STK4: variants seen among roughly 807,000 people sequenced by gnomAD.
The protein encoded by STK4 is serine/threonine kinase 4.
Under a neutral mutation model 64.9 loss-of-function variants are expected in STK4, and 30 were observed. The observed-to-expected ratio is 0.46, with a 90% CI of 0.35 to 0.63. The LOEUF (loss-of-function observed/expected upper bound fraction) is 0.63. STK4 is among the 20% of genes least tolerant of loss of function. The probability of loss-of-function intolerance (pLI) is 0.01; values close to 1 mark genes in which losing one functional copy is unlikely to be tolerated. For missense variants in STK4, 466 were observed against 598.5 expected, an observed-to-expected ratio of 0.78 and a Z score of 2.31; for synonymous variants, 177 against 199.0, an observed-to-expected ratio of 0.89 and a Z score of 0.93.
intron 9 of STK4, chr20:45,007,696 T>A: frequency 2.9e-6 from 1 of 339,636 alleles, no homozygotes; most frequent in Non-Finnish European, 5.8e-6. Context: ...ATTCTGGTGC[T>A]GTCTTTCACT....
Position 45,077,044 on chromosome 20 carries a change from A to G in STK4, c.*1868A>G, listed in dbSNP as rs1166181041. On this transcript the variant is annotated 3_prime_UTR_variant, in exon 11 of 11. Transcript: ENST00000372806. ...GAGCTGGGTAGGCTCTAAACTTCAC[A>G]ATAACCCTGTGACTTAACTACTTTA... 1.3e-5 allele frequency: 2 copies of G among 152,216 alleles called. No homozygotes were observed. Among genetic ancestry groups the G allele is most frequent in the African/African-American group, 4.8e-5 (2 of 41,452 alleles). 9.4% of individuals were successfully genotyped at this position (152,216 alleles called of 1,614,324 possible).
intron 10 of STK4, among the ~76,000 whole-genome samples, chr20:45,063,636 C>T (rs560598555): frequency 6.6e-6 from 1 of 152,198 alleles, no homozygotes; most frequent in East Asian, 1.9e-4. Flanking sequence ...GTTGCAGTTG[C>T]TTTTGGTGTC....
In STK4 at chr20:44,981,931, A is replaced by G; in HGVS notation, c.348A>G (p.Leu116=). 2 of 1,611,156 alleles carry G rather than the reference A, an allele frequency of 1.2e-6. No homozygotes were observed. Among genetic ancestry groups the G allele is most frequent in the East Asian group, 4.5e-5 (2 of 44,840 alleles). Residue 116 remains leucine, a synonymous_variant, in exon 4 of 11, where the codon TTA becomes TTG. Coordinates refer to ENST00000372806, the MANE Select transcript of STK4 (RefSeq NM_006282.5). Reference sequence around the variant, plus strand: ...GTTCTGTATCTGATATCATTCGATTACGAAATAAAACGGTAGGTTTACCTT... The same window carrying G: ...GTTCTGTATCTGATATCATTCGATTGCGAAATAAAACGGTAGGTTTACCTT... ...GAGSVSDIIR[L]RNKTLTEDEI...
chr20:45,002,419 A>G (rs960933822), intron 9 of STK4, among the ~76,000 whole-genome samples: 2 of 152,216 alleles, frequency 1.3e-5, no homozygotes, highest in Non-Finnish European at 2.9e-5. Flanking sequence ...AATGAGAAAC[A>G]TGCATCTTTT....
chr20:44,999,873 C>T (rs576022530), intron 7 of STK4, among the ~76,000 whole-genome samples: 2 of 152,330 alleles, frequency 1.3e-5, no homozygotes, highest in Admixed American at 1.3e-4. Context: ...AAGCTCCCCT[C>T]TCTAAAATCA....
intron 10 of STK4, among the ~76,000 whole-genome samples, chr20:45,065,032 A>G (rs1036652749): frequency 6.6e-6 from 1 of 152,122 alleles, no homozygotes; most frequent in Non-Finnish European, 1.5e-5. Context: ...TCTGGTTTTC[A>G]GAGGGAATGC....
intron 5 of STK4, among the ~76,000 whole-genome samples, chr20:44,988,202 C>T (rs967400700): frequency 6.6e-5 from 10 of 151,610 alleles, no homozygotes; most frequent in Non-Finnish European, 1.3e-4. Flanking sequence ...AAAAATACAC[C>T]CTCTGATGGT....
chr20:44,996,962 A>G (rs1313240745), intron 6 of STK4, among the ~76,000 whole-genome samples: 3 of 152,290 alleles, frequency 2.0e-5, no homozygotes, highest in South Asian at 2.1e-4. Flanking sequence ...CAAGACCCAT[A>G]TATGAGAGAG....
intron 9 of STK4, among the ~76,000 whole-genome samples, chr20:45,017,101 C>A (rs1392447273): frequency 6.6e-6 from 1 of 152,102 alleles, no homozygotes; most frequent in African/African-American, 2.4e-5. Context: ...TATTTAATAC[C>A]AACCAAGAAG....
chr20:44,969,694 C>T (rs1337391238), intron 1 of STK4, among the ~76,000 whole-genome samples: 8 of 152,240 alleles, frequency 5.3e-5, no homozygotes, highest in Non-Finnish European at 7.3e-5. Flanking sequence ...CATGGATGCT[C>T]TGTTGATCAG....
intron 10 of STK4, among the ~76,000 whole-genome samples, chr20:45,064,121 CA>C (rs1420935800): frequency 6.6e-6 from 1 of 152,144 alleles, no homozygotes; most frequent in Non-Finnish European, 1.5e-5. Context: ...GGGGGGGGTC[CA>C]GTTTTAATCT....
chr20:45,064,099 C>G (rs540877699), intron 10 of STK4, among the ~76,000 whole-genome samples: 1 of 149,006 alleles, frequency 6.7e-6, no homozygotes, highest in Non-Finnish European at 1.5e-5. Flanking sequence ...TGAGCCACTG[C>G]GCCCGGCCAA....
Position 45,062,964 on chromosome 20 carries a change from A to G in STK4, c.1306-12054A>G, listed in dbSNP as rs1472532281. On this transcript the variant is annotated intron_variant, in intron 10 of 10. Transcript: ENST00000372806. ...CTCGGCCTCCCAAAGTGCTGGGATT[A>G]CAGGTGTGAGCCACCGCACCCGGCC... is the stretch of plus-strand genomic sequence containing the variant. 3.4e-5 allele frequency among the ~76,000 whole-genome samples: 4 copies of G among 118,592 alleles called. No homozygotes were observed. In the East Asian group the frequency reaches 1.0e-3, roughly 30 times the overall value. 77.8% of individuals were successfully genotyped at this position (118,592 alleles called of 152,430 possible).
rs1980444351 is a variant in STK4, at chr20:45,075,507, T to C, written c.*331T>C. On this transcript the variant is annotated 3_prime_UTR_variant, in exon 11 of 11. Transcript: ENST00000372806. Reference sequence around the variant, plus strand: ...TTTTTCTTCTCCCAATAGCTTTCAATTGTTCTTTCTGGAAGACTTTTAAAA... The same window carrying C: ...TTTTTCTTCTCCCAATAGCTTTCAACTGTTCTTTCTGGAAGACTTTTAAAA... 5.8e-6 allele frequency: 1 copy of C among 173,606 alleles called. No homozygotes were observed. The highest frequency in any genetic ancestry group is 5.9e-5 in the Admixed American group (1 of 17,084). 10.8% of individuals were successfully genotyped at this position (173,606 alleles called of 1,614,324 possible).
Position 44,987,156 on chromosome 20 carries a change from A to G in STK4, c.385A>G (p.Ile129Val), listed in dbSNP as rs750035253. The G allele has an allele frequency of 2.5e-6, 4 of 1,600,864 alleles. No individual in the cohort carries two copies. The highest frequency in any genetic ancestry group is 3.4e-6 in the Non-Finnish European group (4 of 1,173,864). ...GTTAACAGAAGATGAAATAGCTACAATATTACAATCAACTCTTAAGGGACT... is the reference window on the plus strand; with the variant it reads ...GTTAACAGAAGATGAAATAGCTACAGTATTACAATCAACTCTTAAGGGACT... ...KTLTEDEIAT[I>V]LQSTLKGLEY... Residue 129 changes from isoleucine to valine, a missense_variant, in exon 5 of 11, where the codon ATA becomes GTA. Around this residue, in one of 2 missense-constraint regions of STK4, gnomAD observed 190 missense variants for 289.7 expected, o/e 0.66. Coordinates refer to ENST00000372806, the MANE Select transcript of STK4 (RefSeq NM_006282.5).
At chr20:44,972,307 A>C in intron 2 of STK4, 149 bp downstream of exon 2, 1 of 675,068 alleles carries the variant, frequency 1.5e-6, no homozygotes, top group East Asian at 2.6e-5. Flanking sequence ...GCTTTACTCC[A>C]ATCCCTATTA....
At chr20:44,993,423 T>C (rs77649667) in intron 5 of STK4, among the ~76,000 whole-genome samples, 1,831 of 152,284 alleles carry the variant, frequency 0.012, 18 homozygotes, top group Non-Finnish European at 0.02. Flanking sequence ...CAAGTAACCA[T>C]TTCTAATTGA....
At chr20:44,996,510 C>T (rs1170102392) in intron 6 of STK4, among the ~76,000 whole-genome samples, 1 of 152,094 alleles carries the variant, frequency 6.6e-6, no homozygotes, top group Non-Finnish European at 1.5e-5. Flanking sequence ...TTACTAGTTA[C>T]AATTTTAGAT....
At chr20:45,059,785 AT>A (rs1978835106) in intron 10 of STK4, among the ~76,000 whole-genome samples, 1 of 151,910 alleles carries the variant, frequency 6.6e-6, no homozygotes, top group East Asian at 1.9e-4. Flanking sequence ...AATTTTTTTC[AT>A]TTTTTTCCTT....
Sources: allele counts gnomAD v4.1 joint callset (sites outside exome capture counted in the v4.1 genomes callset), GRCh38; gene constraint gnomAD v4.1.1; regional missense constraint gnomAD v4.1.1; transcripts MANE v1.5; gene names NCBI Gene and HGNC (gene_info 2026-07-23, HGNC 2026-07-21).